Variants in CEP128 observed in about 807,000 individuals in gnomAD.
CEP128 encodes the protein centrosomal protein 128.
A neutral mutation model predicts 156.7 loss-of-function variants in CEP128; 132 were observed. The ratio of observed to expected loss-of-function variants is 0.84; its 90% CI spans 0.73 to 0.97. The LOEUF (loss-of-function observed/expected upper bound fraction) is 0.97, where lower values mean the gene tolerates loss of function less well. Among genes scored for constraint, CEP128 ranks in the 50% least tolerant of loss-of-function variants. CEP128 has a pLI of 0.00. For missense variants in CEP128, 1,252 were observed against 1,281.9 expected (o/e 0.98, Z 0.36); for synonymous variants, 469 against 448.9 (o/e 1.04, Z -0.57).
At chr14:80,571,917 G>C (rs889150398) in intron 20 of CEP128, among the ~76,000 whole-genome samples, 1 of 152,236 alleles carries the variant, frequency 6.6e-6, no homozygotes, top group Non-Finnish European at 1.5e-5. Context: ...GAGGAAGTAT[G>C]AGTCTCAGCG....
chr14:80,568,389 A>T (rs948495550), intron 20 of CEP128, among the ~76,000 whole-genome samples: 5 of 152,230 alleles, frequency 3.3e-5, no homozygotes, highest in East Asian at 1.9e-4. Flanking sequence ...CTTTGGAATT[A>T]ATGACTTACC....
intron 2 of CEP128, among the ~76,000 whole-genome samples, chr14:80,946,998 G>A (rs1886361336): frequency 6.6e-6 from 1 of 152,104 alleles, no homozygotes; most frequent in Admixed American, 6.5e-5. Flanking sequence ...CTCCCACTCT[G>A]CCATGTGAAA....
chr14:80,738,535 A>G (rs1279124152), intron 19 of CEP128, among the ~76,000 whole-genome samples: 1 of 152,106 alleles, frequency 6.6e-6, no homozygotes, highest in Admixed American at 6.6e-5. Context: ...TCTCCCCCCT[A>G]TTTTTAGATA....
intron 19 of CEP128, among the ~76,000 whole-genome samples, chr14:80,641,705 A>T (rs1370848567): frequency 6.6e-6 from 1 of 152,180 alleles, no homozygotes; most frequent in East Asian, 1.9e-4. Context: ...TTTTCTCCTT[A>T]CTCAAGACTA....
intron 19 of CEP128, among the ~76,000 whole-genome samples, chr14:80,672,912 T>C (rs1244273428): frequency 6.6e-6 from 1 of 152,218 alleles, no homozygotes; most frequent in Non-Finnish European, 1.5e-5. Context: ...AAATTGTCAA[T>C]GACAATTTAA....
intron 9 of CEP128, among the ~76,000 whole-genome samples, chr14:80,861,653 A>C (rs933042856): frequency 4.6e-5 from 7 of 152,170 alleles, no homozygotes; most frequent in Non-Finnish European, 1.0e-4. Flanking sequence ...ATTAAAGGAA[A>C]CTAAAGAGAC....
intron 8 of CEP128, among the ~76,000 whole-genome samples, chr14:80,891,092 C>T (rs1329150072): frequency 6.6e-6 from 1 of 152,072 alleles, no homozygotes; most frequent in East Asian, 1.9e-4. Flanking sequence ...AACTCTCCCA[C>T]ACTGTTGATG....
intron 13 of CEP128, among the ~76,000 whole-genome samples, chr14:80,809,960 C>T (rs1055171151): frequency 7.9e-5 from 12 of 151,948 alleles, no homozygotes; most frequent in Middle Eastern, 3.4e-3. Context: ...CAAATTGGTA[C>T]CACCACAGAA....
chr14:80,514,720 G>T, intron 23 of CEP128: 1 of 373,358 alleles, frequency 2.7e-6, no homozygotes, highest in South Asian at 2.1e-5. Context: ...TCAGTCTCTG[G>T]TGTGTTATTT....
At chr14:80,823,063 C>T (rs765878187) in intron 13 of CEP128, among the ~76,000 whole-genome samples, 21 of 152,270 alleles carry the variant, frequency 1.4e-4, no homozygotes, top group Middle Eastern at 3.4e-3. Flanking sequence ...GATTCCCTGA[C>T]GTTGACACAC....
At chr14:80,509,282 C>T (rs1402512470) in intron 23 of CEP128, among the ~76,000 whole-genome samples, 1 of 152,162 alleles carries the variant, frequency 6.6e-6, no homozygotes, top group African/African-American at 2.4e-5. Flanking sequence ...TGGGGGTTCC[C>T]CTTTCTCCAC....
intron 19 of CEP128, among the ~76,000 whole-genome samples, chr14:80,596,243 C>T (rs892838200): frequency 4.6e-5 from 7 of 151,964 alleles, no homozygotes; most frequent in Non-Finnish European, 1.0e-4. Context: ...ACAGAAAACT[C>T]ACCTAAAGTG....
At chr14:80,744,217 A>T (rs1898981708) in intron 18 of CEP128, among the ~76,000 whole-genome samples, 2 of 152,126 alleles carry the variant, frequency 1.3e-5, no homozygotes, top group Non-Finnish European at 2.9e-5. Flanking sequence ...CAAGAATAGG[A>T]AAAGAAATAT....
rs115362157 is a variant in CEP128 at position 80,746,721 on chromosome 14, A to G, written c.2614-3454T>C. ...TGTAACACCAAAAGCAGAAGCCATC[A>G]AAGAAAAAAGCTGACAAATTGAACT... is the stretch of plus-strand genomic sequence containing the variant. On this transcript the variant is annotated intron_variant, in intron 18 of 24. Coordinates refer to ENST00000555265, the MANE Select transcript of CEP128 (RefSeq NM_152446.5). 8.6e-3 allele frequency among the ~76,000 whole-genome samples: 1,317 copies of G among 152,338 alleles called. 25 individuals carry two copies. The highest frequency in any genetic ancestry group is 0.03 in the African/African-American group (1,265 of 41,582).
intron 14 of CEP128, among the ~76,000 whole-genome samples, chr14:80,789,045 T>C (rs1411584302): frequency 6.6e-6 from 1 of 152,116 alleles, no homozygotes; most frequent in Non-Finnish European, 1.5e-5. Context: ...CCAACTGATA[T>C]TTCTATGGAA....
chr14:80,923,075 T>C (rs775300823), intron 2 of CEP128, among the ~76,000 whole-genome samples: 2 of 152,252 alleles, frequency 1.3e-5, no homozygotes, highest in Admixed American at 1.3e-4. Flanking sequence ...AGAAAGTCTC[T>C]GGAATCTTAG....
At chr14:80,624,886 T>G (rs528262591) in intron 19 of CEP128, among the ~76,000 whole-genome samples, 5 of 152,214 alleles carry the variant, frequency 3.3e-5, no homozygotes, top group Non-Finnish European at 5.9e-5. Context: ...ACTCTGTTGA[T>G]TATTTCCTTT....
chr14:80,535,199 G>T (rs146768712), intron 21 of CEP128, among the ~76,000 whole-genome samples: 1 of 152,156 alleles, frequency 6.6e-6, no homozygotes, highest in African/African-American at 2.4e-5. Flanking sequence ...AGATAGGTAC[G>T]TATTATTGTT....
chr14:80,552,581 T>C (rs1890254555), intron 21 of CEP128, among the ~76,000 whole-genome samples: 1 of 152,166 alleles, frequency 6.6e-6, no homozygotes, highest in Non-Finnish European at 1.5e-5. Context: ...AATATGTCAT[T>C]GATACAAAAT....
Sources: allele counts gnomAD v4.1 joint callset (sites outside exome capture counted in the v4.1 genomes callset), GRCh38; gene constraint gnomAD v4.1.1; transcripts MANE v1.5; gene names NCBI Gene and HGNC (gene_info 2026-07-23, HGNC 2026-07-21).